The following ZNF618 variants were observed in gnomAD, a reference collection of about 807,000 sequenced individuals.
The protein encoded by ZNF618 is zinc finger protein 618.
ZNF618 carries 34 observed loss-of-function variants against 103.0 expected under a neutral mutation model. The observed-to-expected ratio is 0.33, with a 90% CI of 0.25 to 0.44. ZNF618 has a LOEUF of 0.44. Ranked by LOEUF, ZNF618 falls within the 20% of genes least tolerant of loss-of-function variation. ZNF618 has a pLI of 1.00. For synonymous variants in ZNF618, 551 were observed against 542.2 expected, an observed-to-expected ratio of 1.02 and a Z score of -0.23; for missense variants, 1,059 against 1,295.4, an observed-to-expected ratio of 0.82 and a Z score of 2.80.
At chr9:113,937,516 GT>G (rs1564191183) in intron 1 of ZNF618, among the ~76,000 whole-genome samples, 1 of 152,106 alleles carries the variant, frequency 6.6e-6, no homozygotes, top group East Asian at 1.9e-4. Context: ...GAGTGAAATT[GT>G]TTTCCTGTCT....
chr9:113,984,504 C>G (rs1839274693), intron 2 of ZNF618, among the ~76,000 whole-genome samples: 2 of 152,196 alleles, frequency 1.3e-5, no homozygotes, highest in Admixed American at 1.3e-4. Context: ...GATGAGAGTT[C>G]CACCCAGCCT....
chr9:114,016,254 G>A, intron 9 of ZNF618: 1 of 1,316,930 alleles, frequency 7.6e-7, no homozygotes, highest in Non-Finnish European at 1.1e-6. Context: ...GGGCAGGGAA[G>A]GTCCTGGAGA....
rs948526257 is a variant in ZNF618 at position 114,050,898 on chromosome 9, C to G, written c.*731C>G. 6.6e-5 allele frequency: 10 copies of G among 152,656 alleles called. No homozygotes were observed. Among genetic ancestry groups the G allele is most frequent in the Admixed American group, 2.6e-4 (4 of 15,284 alleles). The allele number at this position is 152,656 out of a possible 1,614,324, so 9.5% of individuals were successfully genotyped here. A position where few individuals can be genotyped will look rare whatever the true frequency, so the allele number is the denominator to read the frequency against. ...TGCCTTTGAGATACCCCTTGGGTGT[C>G]CCGGGGCAGCCGCCTTAGAAACACA... is the stretch of plus-strand genomic sequence containing the variant. On this transcript the variant is annotated 3_prime_UTR_variant, in exon 15 of 15. Coordinates refer to ENST00000374126, the MANE Select transcript of ZNF618 (RefSeq NM_001318042.2).
intron 2 of ZNF618, among the ~76,000 whole-genome samples, chr9:113,974,020 T>A (rs73658310): frequency 0.019 from 2,955 of 152,336 alleles, 78 homozygotes; most frequent in African/African-American, 0.06. Context: ...TGCTAAGTGC[T>A]TGGCACTGAC....
At chr9:113,949,078 A>G (rs1164912827) in intron 1 of ZNF618, among the ~76,000 whole-genome samples, 4 of 152,174 alleles carry the variant, frequency 2.6e-5, no homozygotes, top group Admixed American at 6.5e-5. Context: ...ATCAGTCCAG[A>G]TCTTGTAATT....
intron 1 of ZNF618, among the ~76,000 whole-genome samples, chr9:113,962,335 CTT>C (rs1245459282): frequency 6.6e-6 from 1 of 152,202 alleles, no homozygotes; most frequent in African/African-American, 2.4e-5. Flanking sequence ...CCACCATCAT[CTT>C]TTCCCTGGAC....
intron 1 of ZNF618, among the ~76,000 whole-genome samples, chr9:113,923,793 T>C (rs1832850180): frequency 6.6e-6 from 1 of 152,152 alleles, no homozygotes; most frequent in Non-Finnish European, 1.5e-5. Context: ...GTATCCCTTA[T>C]CTGAAATGCC....
intron 1 of ZNF618, among the ~76,000 whole-genome samples, chr9:113,892,736 T>G (rs1470127143): frequency 4.6e-5 from 7 of 152,226 alleles, no homozygotes; most frequent in Non-Finnish European, 1.5e-5. Context: ...TTTGTTGTAC[T>G]TAAATGGTTT....
At chr9:114,027,324 G>A (rs1295712376) in intron 10 of ZNF618, among the ~76,000 whole-genome samples, 1 of 152,180 alleles carries the variant, frequency 6.6e-6, no homozygotes, top group Non-Finnish European at 1.5e-5. Context: ...GCAGACTGAG[G>A]CCTTGGGATT....
intron 9 of ZNF618, among the ~76,000 whole-genome samples, 166 bp downstream of exon 9, chr9:114,008,720 C>T (rs1841979977): frequency 6.6e-6 from 1 of 152,116 alleles, no homozygotes; most frequent in African/African-American, 2.4e-5. Flanking sequence ...CTGGAGCTTT[C>T]GAGGAGCAGC....
intron 13 of ZNF618, among the ~76,000 whole-genome samples, chr9:114,045,416 A>G (rs1243561864): frequency 6.6e-6 from 1 of 151,858 alleles, no homozygotes; most frequent in Non-Finnish European, 1.5e-5. Context: ...CGGGAGTCCA[A>G]TTTCATTCTT....
Position 113,893,641 on chromosome 9 carries a change from T to A in ZNF618, c.33+17228T>A, listed in dbSNP as rs1417062572. Among the ~76,000 whole-genome samples, 3 of 152,178 alleles carry A rather than the reference T, an allele frequency of 2.0e-5. No homozygotes were observed. The East Asian group carries it at 5.8e-4, about 29-fold the overall frequency. On this transcript the variant is annotated intron_variant, in intron 1 of 14. Transcript: ENST00000374126. ...TAATGACAAAGCCATTTTTCAAGAC[T>A]ACATAATATTCACAGATGAGAATGA... is the stretch of plus-strand genomic sequence containing the variant.
chr9:114,040,870 G>A, intron 13 of ZNF618, among the ~76,000 whole-genome samples: 1 of 152,210 alleles, frequency 6.6e-6, no homozygotes, highest in East Asian at 1.9e-4. Context: ...TGGGTCAAAT[G>A]GTGTTTCTAG....
At chr9:113,876,549 A>C in intron 1 of ZNF618, 136 bp downstream of exon 1, 2 of 666,474 alleles carry the variant, frequency 3.0e-6, no homozygotes, top group Non-Finnish European at 3.9e-6. Context: ...TGTGGGCGCA[A>C]TCGGGAGGGT....
At chr9:114,006,691 G>A (rs572190057) in intron 6 of ZNF618, among the ~76,000 whole-genome samples, 11 of 152,284 alleles carry the variant, frequency 7.2e-5, no homozygotes, top group South Asian at 4.1e-4. Context: ...GTCCTTTGGC[G>A]CTGGGTCTTT....
chr9:113,976,044 A>G (rs1418418704), intron 2 of ZNF618, among the ~76,000 whole-genome samples: 2 of 152,190 alleles, frequency 1.3e-5, no homozygotes, highest in Non-Finnish European at 1.5e-5. Context: ...ATTAGTTACC[A>G]TTTACCATTC....
intron 1 of ZNF618, among the ~76,000 whole-genome samples, chr9:113,923,944 G>T (rs921700194): frequency 3.9e-5 from 6 of 151,966 alleles, no homozygotes; most frequent in Non-Finnish European, 4.4e-5. Flanking sequence ...TATCATCTTG[G>T]CAGTCAACAA....
intron 1 of ZNF618, among the ~76,000 whole-genome samples, chr9:113,906,028 T>G (rs1222920741): frequency 6.6e-6 from 1 of 152,170 alleles, no homozygotes; most frequent in Non-Finnish European, 1.5e-5. Flanking sequence ...GATCAGTTTC[T>G]TAGTTGTTTA....
intron 10 of ZNF618, among the ~76,000 whole-genome samples, chr9:114,027,147 T>C (rs1308336439): frequency 6.6e-6 from 1 of 152,132 alleles, no homozygotes; most frequent in African/African-American, 2.4e-5. Context: ...AGCAATCACC[T>C]GGTGGGACTC....
Sources: allele counts gnomAD v4.1 joint callset (sites outside exome capture counted in the v4.1 genomes callset), GRCh38; gene constraint gnomAD v4.1.1; transcripts MANE v1.5; gene names NCBI Gene and HGNC (gene_info 2026-07-23, HGNC 2026-07-21).